ST18: variants seen among roughly 807,000 people sequenced by gnomAD.
The protein encoded by ST18 is suppression of tumorigenicity 18 protein.
In ST18, 50 loss-of-function variants were observed where a neutral mutation model predicts 110.0. That is an observed-to-expected ratio of 0.45 (90% CI 0.36 to 0.58). The LOEUF is 0.58. Among genes scored for constraint, ST18 ranks in the 20% least tolerant of loss-of-function variants. The pLI is 0.00. For synonymous variants in ST18, 461 were observed against 452.4 expected (o/e 1.02, Z -0.24); for missense variants, 1,306 against 1,280.1 (o/e 1.02, Z -0.31).
At chr8:52,306,569 A>G (rs1340493857) in intron 2 of ST18, among the ~76,000 whole-genome samples, 7 of 152,228 alleles carry the variant, frequency 4.6e-5, no homozygotes, top group Admixed American at 2.6e-4. Context: ...AAATCCATGA[A>G]AGATTTTTAG....
At chr8:52,388,816 G>A (rs1317733434) in intron 2 of ST18, among the ~76,000 whole-genome samples, 1 of 130,740 alleles carries the variant, frequency 7.6e-6, no homozygotes, top group African/African-American at 2.9e-5. Context: ...GGACTGTTGT[G>A]GGGTGGGGGG....
chr8:52,348,518 C>T (rs918190707), intron 2 of ST18, among the ~76,000 whole-genome samples: 1 of 152,110 alleles, frequency 6.6e-6, no homozygotes, highest in African/African-American at 2.4e-5. Context: ...TTCGGGAAGC[C>T]GAGGCGGGCA....
At chr8:52,173,657 TGTG>T (rs2065826729) in intron 9 of ST18, among the ~76,000 whole-genome samples, 1 of 152,078 alleles carries the variant, frequency 6.6e-6, no homozygotes, top group Admixed American at 6.5e-5. Context: ...CACACCAGGC[TGTG>T]AAGTGCCTGC....
At chr8:52,272,947 C>T (rs2095123416) in intron 2 of ST18, among the ~76,000 whole-genome samples, 2 of 152,146 alleles carry the variant, frequency 1.3e-5, no homozygotes, top group South Asian at 4.1e-4. Flanking sequence ...CATAAAATTT[C>T]AGTCAAGCAA....
In ST18 at chr8:52,180,103, G is replaced by A. The variant is rs2068752385; in HGVS notation, c.277+19C>T. ...TGGAGCCAGGGAGCAGGTAAAGTTT[G>A]GGCTCTCCTCCTTGCTACCTGCGGT... On this transcript the variant is annotated intron_variant, in intron 9 of 25. Transcript: ENST00000689386. 6.2e-7 allele frequency: 1 copy of A among 1,612,018 alleles called. No individual in the cohort carries two copies. Among genetic ancestry groups the A allele is most frequent in the Non-Finnish European group, 8.5e-7 (1 of 1,178,602 alleles).
chr8:52,385,317 A>T (rs967097391), intron 2 of ST18, among the ~76,000 whole-genome samples: 1 of 152,192 alleles, frequency 6.6e-6, no homozygotes, highest in Non-Finnish European at 1.5e-5. Context: ...AGATGAAACG[A>T]CAAAGCACAC....
intron 2 of ST18, among the ~76,000 whole-genome samples, chr8:52,401,954 C>A (rs917577458): frequency 1.3e-5 from 2 of 152,114 alleles, no homozygotes; most frequent in African/African-American, 2.4e-5. Flanking sequence ...GAAAGACTTT[C>A]GCCTGTAGAT....
rs575960019 is a variant in ST18, at chr8:52,119,747, GA to G, written c.2756-1307del. Among the ~76,000 whole-genome samples the G allele has an allele frequency of 6.0e-4, 92 of 152,160 alleles. 2 individuals are homozygous for G. The highest frequency in any genetic ancestry group is 1.9e-3 in the East Asian group (10 of 5,180). On this transcript the variant is annotated intron_variant, in intron 23 of 25. Coordinates refer to ENST00000689386, the MANE Select transcript of ST18 (RefSeq NM_001352837.2). ...GATTCTTAGTAATTTAGTGCGAAGA[GA>G]AAAAAAGTAAGCCGAAAGTTACATC...
chr8:52,356,428 G>GAAATT (rs1822782292), intron 2 of ST18, among the ~76,000 whole-genome samples: 1 of 152,226 alleles, frequency 6.6e-6, no homozygotes, highest in Non-Finnish European at 1.5e-5. Flanking sequence ...TATAAAAATA[G>GAAATT]TTTAGAAATG....
rs1353225720 is a variant in ST18, at chr8:52,111,361, T to A, written c.*1837A>T. 5.5e-6 allele frequency: 1 copy of A among 182,790 alleles called. No individual in the cohort carries two copies. Among genetic ancestry groups the A allele is most frequent in the African/African-American group, 2.3e-5 (1 of 42,956 alleles). 11.3% of individuals were successfully genotyped at this position (182,790 alleles called of 1,614,324 possible). Reference sequence around the variant, plus strand: ...CTGTAATAGAAAATTTTGTTTGGTGTCCCATTTATAATAGACAGCACATAT... The same window carrying A: ...CTGTAATAGAAAATTTTGTTTGGTGACCCATTTATAATAGACAGCACATAT... On this transcript the variant is annotated 3_prime_UTR_variant, in exon 26 of 26. Transcript: ENST00000689386.
intron 2 of ST18, among the ~76,000 whole-genome samples, chr8:52,341,988 G>C (rs1815262585): frequency 6.6e-6 from 1 of 152,196 alleles, no homozygotes; most frequent in African/African-American, 2.4e-5. Context: ...AAAATTTCAA[G>C]TAGACAGAAG....
At chr8:52,205,502 G>A (rs920698031) in intron 8 of ST18, among the ~76,000 whole-genome samples, 2 of 151,814 alleles carry the variant, frequency 1.3e-5, no homozygotes, top group African/African-American at 4.8e-5. Context: ...TTAGCTCCTA[G>A]GAAACAATTT....
At chr8:52,158,592 A>G (rs2060589174) in intron 15 of ST18, among the ~76,000 whole-genome samples, 1 of 152,196 alleles carries the variant, frequency 6.6e-6, no homozygotes, top group African/African-American at 2.4e-5. Context: ...CAAATTCCCC[A>G]TAGCAAAAAC....
intron 19 of ST18, among the ~76,000 whole-genome samples, chr8:52,135,930 T>C (rs1242150454): frequency 6.6e-6 from 1 of 152,244 alleles, no homozygotes; most frequent in Admixed American, 6.5e-5. Flanking sequence ...GTAATTAGTT[T>C]TGTTTAATCC....
At chr8:52,384,281 C>T (rs1835702929) in intron 2 of ST18, among the ~76,000 whole-genome samples, 1 of 152,124 alleles carries the variant, frequency 6.6e-6, no homozygotes, top group African/African-American at 2.4e-5. Context: ...TCTCTAAGTG[C>T]CTGCTGGATG....
chr8:52,399,894 T>C (rs1446300103), intron 2 of ST18, among the ~76,000 whole-genome samples: 1 of 152,042 alleles, frequency 6.6e-6, no homozygotes, highest in Non-Finnish European at 1.5e-5. Context: ...TGCTATTAGA[T>C]TGAAAGTTCC....
chr8:52,175,462 G>A (rs966653074), intron 9 of ST18, among the ~76,000 whole-genome samples: 5 of 152,252 alleles, frequency 3.3e-5, no homozygotes, highest in East Asian at 1.9e-4. Flanking sequence ...CACGATATGC[G>A]ATGTGGAGGA....
chr8:52,314,130 T>C (rs939660385), intron 2 of ST18, among the ~76,000 whole-genome samples: 3 of 152,180 alleles, frequency 2.0e-5, no homozygotes, highest in Non-Finnish European at 2.9e-5. Context: ...GAGAGCTTCA[T>C]GGTGGTCTGA....
chr8:52,146,481 T>G (rs1281618603), intron 16 of ST18, among the ~76,000 whole-genome samples: 2 of 152,156 alleles, frequency 1.3e-5, no homozygotes, highest in Non-Finnish European at 2.9e-5. Flanking sequence ...TCTCTTTTTT[T>G]TCTTTGTTGT....
Sources: gnomAD v4.1 joint callset for allele counts (sites outside exome capture counted in the v4.1 genomes callset) on GRCh38, gnomAD v4.1.1 for gene constraint, MANE v1.5 for transcripts, NCBI Gene and HGNC (gene_info 2026-07-23, HGNC 2026-07-21) for gene names.